GNL3: variants seen among roughly 807,000 people sequenced by gnomAD.
The protein encoded by GNL3 is guanine nucleotide-binding protein-like 3.
In GNL3, 77 loss-of-function variants were observed where a neutral mutation model predicts 70.6. The ratio of observed to expected loss-of-function variants is 1.09; its 90% CI spans 0.91 to 1.32. GNL3 has a LOEUF of 1.32. Ranked by LOEUF, GNL3 falls within the 40% of genes most tolerant of loss-of-function variation. GNL3 has a pLI of 0.00. For missense variants in GNL3, 634 were observed against 644.0 expected (o/e 0.98, Z 0.17); for synonymous variants, 252 against 216.1 (o/e 1.17, Z -1.46).
intron 6 of GNL3, 191 bp downstream of exon 6, chr3:52,689,397 T>G (rs903164406): frequency 4.3e-6 from 3 of 701,900 alleles, no homozygotes; most frequent in Non-Finnish European, 7.8e-6. Context: ...TGGTTTCTAC[T>G]ATTCTTTTGC....
intron 4 of GNL3, 84 bp from the exon 5 acceptor site, chr3:52,688,025 C>T (rs752630829): frequency 1.3e-6 from 1 of 792,384 alleles, no homozygotes; most frequent in Non-Finnish European, 2.3e-6. Flanking sequence ...ACTGCAAGGG[C>T]TGCTACTCAG....
At chr3:52,685,972 G>A (rs1437937607), upstream of GNL3, 20 of 749,512 alleles carry the variant, frequency 2.7e-5, no homozygotes, top group Non-Finnish European at 4.2e-5. Context: ...CGCGCACGCA[G>A]AGAGGCGGTG....
At position 52,690,703 on chromosome 3, in the gene GNL3, A is replaced by G; in HGVS notation, c.653A>G (p.Lys218Arg). Residue 218 changes from lysine to arginine, a missense_variant and splice_region_variant, in exon 7 of 15, where the codon AAG becomes AGG. Coordinates refer to ENST00000418458, the MANE Select transcript of GNL3 (RefSeq NM_014366.5). ...TKPKDKGKIT[K>R]RVKAKKNAAP... Reference sequence around the variant, plus strand: ...CCAAAGGATAAAGGGAAGATAACCAAGGTATCCTTTATTAGTGGTAAGAAA... The same window carrying G: ...CCAAAGGATAAAGGGAAGATAACCAGGGTATCCTTTATTAGTGGTAAGAAA... The G allele has an allele frequency of 6.6e-7, 1 of 1,518,922 alleles. No individual in the cohort carries two copies. Among genetic ancestry groups the G allele is most frequent in the Non-Finnish European group, 9.1e-7 (1 of 1,093,792 alleles). The allele number at this position is 1,518,922 out of a possible 1,614,324, so 94.1% of individuals were successfully genotyped here.
chr3:52,686,059 G>A lies in GNL3; in HGVS notation c.-34G>A, dbSNP rs767813697. The A allele has an allele frequency of 4.1e-6, 4 of 975,870 alleles. No individual in the cohort carries two copies. Among genetic ancestry groups the A allele is most frequent in the South Asian group, 1.3e-5 (1 of 78,420 alleles). The allele number at this position is 975,870 out of a possible 1,614,324, so 60.5% of individuals were successfully genotyped here. On this transcript the variant is annotated 5_prime_UTR_variant, in exon 1 of 15. Transcript: ENST00000418458. ...TTCACACGTGGCGCCAGCGGAGGCA[G>A]GTTGATGTGTTTGTGCTTCCTTCTA...
At chr3:52,692,369 A>ACTTTTTTTTTTTTTTTTTTTTTTT (rs71087009) in intron 9 of GNL3, among the ~76,000 whole-genome samples, 6 of 126,412 alleles carry the variant, frequency 4.7e-5, no homozygotes, top group African/African-American at 9.3e-5. Flanking sequence ...CAACTTTTAG[A>ACTTTTTTTTTTTTTTTTTTTTTTT]TTTTTTTTTT....
Position 52,693,533 on chromosome 3 carries a change from A to G in GNL3, c.1313A>G (p.Gln438Arg), listed in dbSNP as rs374091779. The change falls in exon 12 of 15, where the codon CAG becomes CGG. Residue 438 changes from glutamine to arginine, a missense_variant. Gln to Arg is a conservative substitution (Grantham distance 43). Coordinates refer to ENST00000418458, the MANE Select transcript of GNL3 (RefSeq NM_014366.5). ...GAAGAACTGGAAAAGAACAATGCAC[A>G]GAGCATAAGAGGTGAGAATTGTGTG... ...NLEELEKNNA[Q>R]SIRAIKGPHL... is the part of the protein sequence containing the mutation. The G allele has an allele frequency of 1.2e-6, 2 of 1,614,226 alleles. No individual in the cohort carries two copies. The highest frequency in any genetic ancestry group is 2.2e-5 in the South Asian group (2 of 91,082).
chr3:52,690,895 GA>G, intron 7 of GNL3, 49 bp from the exon 8 acceptor site: 1 of 1,600,006 alleles, frequency 6.2e-7, no homozygotes, highest in Non-Finnish European at 8.6e-7. Flanking sequence ...GGGGTTTGTT[GA>G]AATTTATCAG....
intron 2 of GNL3, 44 bp from the exon 3 acceptor site, chr3:52,687,202 T>A: frequency 6.5e-7 from 1 of 1,534,438 alleles, no homozygotes; most frequent in African/African-American, 1.4e-5. Context: ...TGCTTAAGTA[T>A]AAAGATATTT....
intron 13 of GNL3, 106 bp downstream of exon 13, chr3:52,693,913 G>C (rs1004833225): frequency 1.5e-6 from 2 of 1,316,566 alleles, no homozygotes; most frequent in African/African-American, 2.9e-5. Context: ...TGATCCATTA[G>C]CCTTAATTTT....
chr3:52,690,921 T>C (rs1399318938), intron 7 of GNL3, 24 bp from the exon 8 acceptor site: 22 of 1,612,088 alleles, frequency 1.4e-5, no homozygotes, highest in Non-Finnish European at 1.9e-5. Context: ...GTTGCCAGAA[T>C]AATTCAACTA....
At chr3:52,687,080 T>C in intron 2 of GNL3, 166 bp from the exon 3 acceptor site, 1 of 659,786 alleles carries the variant, frequency 1.5e-6, no homozygotes, top group Non-Finnish European at 2.6e-6. Context: ...TTTCTTGCTG[T>C]TTTATACTTA....
At chr3:52,691,667 C>G in intron 9 of GNL3, 38 bp downstream of exon 9, 3 of 1,002,700 alleles carry the variant, frequency 3.0e-6, no homozygotes, top group Non-Finnish European at 4.8e-6. Flanking sequence ...ATTATAGTGA[C>G]ACACTATTTT....
At chr3:52,691,300 T>A (rs549968352) in intron 8 of GNL3, 4 of 605,982 alleles carry the variant, frequency 6.6e-6, no homozygotes, top group Admixed American at 3.1e-5. Context: ...TGGGACTGAT[T>A]ACTGTAGGAA....
rs781272140 is a variant in GNL3, at chr3:52,691,090, C to G, written c.781+19C>G. 1.3e-5 allele frequency: 21 copies of G among 1,608,788 alleles called. No individual in the cohort carries two copies. Among genetic ancestry groups the G allele is most frequent in the Non-Finnish European group, 1.7e-5 (20 of 1,175,436 alleles). On this transcript the variant is annotated intron_variant, in intron 8 of 14. Transcript: ENST00000418458. ...GTAATTGGTGAGTTTCAGTTCATTA[C>G]TTTTTACTTTTTAAGTGTTGAAATA... is the stretch of plus-strand genomic sequence containing the variant.
chr3:52,692,772 A>T, intron 9 of GNL3, 100 bp from the exon 10 acceptor site: 2 of 855,492 alleles, frequency 2.3e-6, no homozygotes, highest in Non-Finnish European at 4.0e-6. Context: ...GATCTGACTG[A>T]CTGTGCTGAG....
At position 52,690,727 on chromosome 3, in the gene GNL3, A is replaced by C. The variant is rs371557882; in HGVS notation, c.654+23A>C. Reference sequence around the variant, plus strand: ...AAGGTATCCTTTATTAGTGGTAAGAAATGTGATTCTTTCAGATTTTGGTTG... The same window carrying C: ...AAGGTATCCTTTATTAGTGGTAAGACATGTGATTCTTTCAGATTTTGGTTG... On this transcript the variant is annotated intron_variant, in intron 7 of 14. Transcript: ENST00000418458. 6.8e-5 allele frequency: 92 copies of C among 1,361,846 alleles called. 1 individual carries two copies. The highest frequency in any genetic ancestry group is 9.0e-5 in the Non-Finnish European group (86 of 957,654). The allele number at this position is 1,361,846 out of a possible 1,614,324, so 84.4% of individuals were successfully genotyped here. A position where few individuals can be genotyped will look rare whatever the true frequency, so the allele number is the denominator to read the frequency against.
chr3:52,689,807 C>T (rs1227202055), intron 6 of GNL3, among the ~76,000 whole-genome samples: 1 of 152,110 alleles, frequency 6.6e-6, no homozygotes, highest in African/African-American at 2.4e-5. Context: ...CAAATATTAG[C>T]CGGGCATGAT....
intron 4 of GNL3, 126 bp downstream of exon 4, chr3:52,687,741 T>C: frequency 1.6e-6 from 1 of 635,860 alleles, no homozygotes; most frequent in Non-Finnish European, 2.8e-6. Flanking sequence ...CAAGCAGTCT[T>C]ACCACCTCAG....
intron 9 of GNL3, among the ~76,000 whole-genome samples, chr3:52,692,284 G>A (rs2097328022): frequency 1.3e-5 from 2 of 151,986 alleles, no homozygotes; most frequent in Admixed American, 6.6e-5. Flanking sequence ...CTGGCCTTAA[G>A]TCATCCACCC....
Sources: gnomAD v4.1 joint callset for allele counts (sites outside exome capture counted in the v4.1 genomes callset) on GRCh38, gnomAD v4.1.1 for gene constraint, MANE v1.5 for transcripts, NCBI Gene and HGNC (gene_info 2026-07-23, HGNC 2026-07-21) for gene names.